The following SPOCK1 variants were observed in gnomAD, a reference collection of about 807,000 sequenced individuals.
SPOCK1 encodes testican-1.
In SPOCK1, 23 loss-of-function variants were observed where a neutral mutation model predicts 55.3. The ratio of observed to expected loss-of-function variants is 0.42; its 90% confidence interval spans 0.30 to 0.59. The LOEUF (loss-of-function observed/expected upper bound fraction) is 0.59, where lower values mean the gene tolerates loss of function less well. Ranked by LOEUF, SPOCK1 falls within the 20% of genes least tolerant of loss-of-function variation. The probability of loss-of-function intolerance (pLI) is 0.22; values close to 1 mark genes in which losing one functional copy is unlikely to be tolerated. For synonymous variants in SPOCK1, 226 were observed against 221.0 expected (o/e 1.02, Z -0.20); for missense variants, 499 against 552.5 (o/e 0.90, Z 0.97).
intron 2 of SPOCK1, among the ~76,000 whole-genome samples, chr5:137,341,235 C>G (rs751850497): frequency 1.2e-4 from 18 of 152,262 alleles, no homozygotes; most frequent in Non-Finnish European, 2.5e-4. Flanking sequence ...AAGACAAGTT[C>G]TATCCTCTCC....
At chr5:137,254,567 A>C (rs182887452) in intron 3 of SPOCK1, among the ~76,000 whole-genome samples, 1 of 152,246 alleles carries the variant, frequency 6.6e-6, no homozygotes, top group Admixed American at 6.5e-5. Context: ...CAGCATCCAT[A>C]CGCGTTTGAG....
Position 136,992,470 on chromosome 5 carries a change from TA to T in SPOCK1, c.706+13del. On this transcript the variant is annotated intron_variant, in intron 7 of 10. Coordinates refer to ENST00000394945, the MANE Select transcript of SPOCK1 (RefSeq NM_004598.4). Reference sequence around the variant, plus strand: ...TAATAAATTGAGGAAATGTGATATTTAAAATGGTCTTACTGCCTTGGGCTGT... The same window carrying T: ...TAATAAATTGAGGAAATGTGATATTTAAATGGTCTTACTGCCTTGGGCTGT... The T allele has an allele frequency of 6.3e-7, 1 of 1,584,568 alleles. No individual in the cohort carries two copies. The highest frequency in any genetic ancestry group is 8.6e-7 in the Non-Finnish European group (1 of 1,162,632).
chr5:137,427,272 A>G (rs1051152786), intron 2 of SPOCK1, among the ~76,000 whole-genome samples: 4 of 152,292 alleles, frequency 2.6e-5, no homozygotes, highest in Non-Finnish European at 4.4e-5. Context: ...CACTGTGTTC[A>G]CTGCTGAAGT....
chr5:137,324,370 G>A (rs1171252021), intron 2 of SPOCK1, among the ~76,000 whole-genome samples: 2 of 152,046 alleles, frequency 1.3e-5, no homozygotes, highest in Non-Finnish European at 2.9e-5. Context: ...GCTTGAACCC[G>A]GGAGGCAGAG....
chr5:137,309,061 T>C lies in SPOCK1; in HGVS notation c.187-42006A>G, dbSNP rs112137276. The stretch of plus-strand genomic sequence containing the variant: ...GTGCTTTTCTAAAGAATTTGATTAT[T>C]CTGTAATGAGTAGGAATTGCTTTAA... On this transcript the variant is annotated intron_variant, in intron 2 of 10. Transcript: ENST00000394945. Among the ~76,000 whole-genome samples, 653 of 152,298 alleles carry C rather than the reference T, an allele frequency of 4.3e-3. 6 individuals are homozygous for C. The highest frequency in any genetic ancestry group is 0.014 in the African/African-American group (587 of 41,564).
At chr5:137,486,173 T>C (rs1423538805) in intron 2 of SPOCK1, among the ~76,000 whole-genome samples, 1 of 152,224 alleles carries the variant, frequency 6.6e-6, no homozygotes, top group South Asian at 2.1e-4. Context: ...ACCTTGATTG[T>C]ACAGGCCAGC....
chr5:137,025,015 C>T (rs894626498), intron 6 of SPOCK1, among the ~76,000 whole-genome samples: 12 of 152,282 alleles, frequency 7.9e-5, no homozygotes, highest in Admixed American at 1.3e-4. Flanking sequence ...CAGAAGGATA[C>T]ATACTGCATG....
intron 2 of SPOCK1, among the ~76,000 whole-genome samples, chr5:137,493,017 A>G (rs1754220630): frequency 6.6e-6 from 1 of 152,254 alleles, no homozygotes; most frequent in South Asian, 2.1e-4. Flanking sequence ...CATGATGGAC[A>G]AATACTTATA....
At chr5:137,489,304 G>T (rs1754125448) in intron 2 of SPOCK1, among the ~76,000 whole-genome samples, 1 of 152,188 alleles carries the variant, frequency 6.6e-6, no homozygotes, top group Non-Finnish European at 1.5e-5. Context: ...AAGGGGAAAA[G>T]GTAAGGGGAG....
intron 3 of SPOCK1, among the ~76,000 whole-genome samples, chr5:137,215,375 A>G (rs1192797910): frequency 2.6e-5 from 4 of 152,084 alleles, no homozygotes; most frequent in South Asian, 2.1e-4. Flanking sequence ...CAGGGTCCCT[A>G]TGGTCAGATT....
intron 2 of SPOCK1, among the ~76,000 whole-genome samples, chr5:137,404,370 A>G (rs956582776): frequency 5.3e-5 from 8 of 150,562 alleles, no homozygotes; most frequent in African/African-American, 1.7e-4. Context: ...TTTAGATGTC[A>G]TCTTCTATTT....
intron 2 of SPOCK1, among the ~76,000 whole-genome samples, chr5:137,428,458 G>A (rs990038314): frequency 6.6e-6 from 1 of 152,062 alleles, no homozygotes; most frequent in African/African-American, 2.4e-5. Flanking sequence ...CAACTCCACC[G>A]ACTCTTCCTG....
At chr5:137,114,433 T>C (rs750980284) in intron 4 of SPOCK1, among the ~76,000 whole-genome samples, 1 of 152,194 alleles carries the variant, frequency 6.6e-6, no homozygotes, top group Non-Finnish European at 1.5e-5. Flanking sequence ...CACCCATATG[T>C]GTGTCATTTG....
rs1752722135 is a variant in SPOCK1, at chr5:137,430,524, G to A, written c.186+67849C>T. ...TCAGCAATGATGAGACACAGCCTCT[G>A]CCCCAGGAAGCTCCCAGCCTAGCAA... On this transcript the variant is annotated intron_variant, in intron 2 of 10. Coordinates refer to ENST00000394945, the MANE Select transcript of SPOCK1 (RefSeq NM_004598.4). Among the ~76,000 whole-genome samples, 3 of 152,164 alleles carry A rather than the reference G, an allele frequency of 2.0e-5. No individual in the cohort carries two copies. The South Asian group carries it at 6.2e-4, about 32-fold the overall frequency.
At chr5:137,428,144 A>C (rs1366367999) in intron 2 of SPOCK1, among the ~76,000 whole-genome samples, 1 of 152,186 alleles carries the variant, frequency 6.6e-6, no homozygotes, top group Non-Finnish European at 1.5e-5. Flanking sequence ...TAGACATACC[A>C]ATCTCTTTGT....
chr5:137,406,042 T>C (rs1478142377), intron 2 of SPOCK1, among the ~76,000 whole-genome samples: 1 of 152,192 alleles, frequency 6.6e-6, no homozygotes, highest in Non-Finnish European at 1.5e-5. Flanking sequence ...GCTCTCCAGG[T>C]TGCTGTGACA....
chr5:136,996,879 C>T (rs1036424697), intron 6 of SPOCK1, among the ~76,000 whole-genome samples: 2 of 152,094 alleles, frequency 1.3e-5, no homozygotes, highest in African/African-American at 2.4e-5. Context: ...GCAACCCTCT[C>T]GGTTCCCCTT....
At chr5:137,438,217 G>A (rs1752905338) in intron 2 of SPOCK1, among the ~76,000 whole-genome samples, 2 of 152,060 alleles carry the variant, frequency 1.3e-5, no homozygotes, top group Admixed American at 1.3e-4. Flanking sequence ...GGGGGCTCCT[G>A]CACAGGTCCA....
chr5:137,297,782 A>C lies in SPOCK1; in HGVS notation c.187-30727T>G, dbSNP rs117130351. On this transcript the variant is annotated intron_variant, in intron 2 of 10. Transcript: ENST00000394945. ...CTCACTAAGATCTAGGAGGTCAGTG[A>C]ATGTCTTCAATCGAGGTGCACAGGG... is the stretch of plus-strand genomic sequence containing the variant. Among the ~76,000 whole-genome samples, 40 of 152,228 alleles carry C rather than the reference A, an allele frequency of 2.6e-4. No individual in the cohort carries two copies. In the East Asian group the frequency reaches 7.1e-3, roughly 27 times the overall value.
Sources: allele counts gnomAD v4.1 joint callset (sites outside exome capture counted in the v4.1 genomes callset), GRCh38; gene constraint gnomAD v4.1.1; transcripts MANE v1.5; gene names NCBI Gene and HGNC (gene_info 2026-07-23, HGNC 2026-07-21).